EMP3: variants seen among roughly 807,000 people sequenced by gnomAD.
The protein encoded by EMP3 is epithelial membrane protein 3.
A neutral mutation model predicts 21.6 loss-of-function variants in EMP3; 15 were observed. That is an observed-to-expected ratio of 0.69 (90% CI 0.46 to 1.07). The LOEUF is 1.07. EMP3 is among the 50% of genes least tolerant of loss of function. The pLI, the probability that EMP3 is intolerant of heterozygous loss-of-function variation, is 0.00. For synonymous variants in EMP3, 107 were observed against 86.1 expected (o/e 1.24, Z -1.34); for missense variants, 183 against 206.6 (o/e 0.89, Z 0.70).
At chr19:48,330,066 A>C (rs190317772) in intron 4 of EMP3, among the ~76,000 whole-genome samples, 1 of 152,330 alleles carries the variant, frequency 6.6e-6, no homozygotes, top group African/African-American at 2.4e-5. Flanking sequence ...ATAGAAACAC[A>C]CTCAAAAATA....
chr19:48,329,301 T>G lies in EMP3; in HGVS notation c.182-51T>G. ...CACATGGTGAGCAAGCAGGTGAAGC[T>G]GGAACTCTGGACCCACGGTGATGTC... On this transcript the variant is annotated intron_variant, in intron 3 of 4. Coordinates refer to ENST00000270221, the MANE Select transcript of EMP3 (RefSeq NM_001425.3). The surrounding 1 kb of genome is among the most constrained non-coding windows in gnomAD (Gnocchi z 4.5). 6.2e-7 allele frequency: 1 copy of G among 1,609,686 alleles called. No homozygotes were observed. Among genetic ancestry groups the G allele is most frequent in the African/African-American group, 1.3e-5 (1 of 75,006 alleles).
Position 48,329,646 on chromosome 19 carries a change from CATCT to C in EMP3, c.322+155_322+158del, listed in dbSNP as rs773167256. ...CCACAAGAGGTGCCTCCGTGGGCTA[CATCT>C]CTGCCCCCAGGGATTGCTGGGACTT... is the stretch of plus-strand genomic sequence containing the variant. On this transcript the variant is annotated intron_variant, in intron 4 of 4. Transcript: ENST00000270221. This position sits in a 1 kb window ranked among gnomAD's most constrained non-coding sequence, Gnocchi z 4.5. Among the ~76,000 whole-genome samples the C allele has an allele frequency of 1.3e-5, 2 of 152,202 alleles. No homozygotes were observed. Among genetic ancestry groups the C allele is most frequent in the Non-Finnish European group, 2.9e-5 (2 of 68,036 alleles).
chr19:48,328,169 G>T (rs73047555), intron 3 of EMP3, among the ~76,000 whole-genome samples: 2 of 151,910 alleles, frequency 1.3e-5, no homozygotes, highest in Non-Finnish European at 2.9e-5. Context: ...AGAATAGAGA[G>T]GGGAGGCCAA....
intron 4 of EMP3, 23 bp from the exon 5 acceptor site, chr19:48,330,278 C>G: frequency 6.4e-7 from 1 of 1,563,580 alleles, no homozygotes; most frequent in South Asian, 1.2e-5. Context: ...CACTGCATGA[C>G]GTGTGGTTTT....
rs370758994 is a variant in EMP3 at position 48,327,502 on chromosome 19, C to T, written c.79-19C>T. 1.1e-4 allele frequency: 176 copies of T among 1,591,216 alleles called. No homozygotes were observed. Among genetic ancestry groups the T allele is most frequent in the Non-Finnish European group, 1.4e-4 (157 of 1,162,518 alleles). On this transcript the variant is annotated intron_variant, in intron 2 of 4. Transcript: ENST00000270221. ...CCTTTCCTAACCCTGCCCCTTGTTT[C>T]GTTCTCTGTCCATCCCAGTCCTGGT...
chr19:48,327,385 A>G, intron 2 of EMP3, 136 bp from the exon 3 acceptor site: 1 of 660,010 alleles, frequency 1.5e-6, no homozygotes, highest in South Asian at 1.8e-5. Flanking sequence ...CCCCTCTCAT[A>G]TTAAATCCTA....
At position 48,330,502 on chromosome 19, in the gene EMP3, T is replaced by C. The variant is rs753377301; in HGVS notation, c.*32T>C. ...CGCCTCGCTCGGCTGCCCCCGCCCC[T>C]TCCCGGCCCCCCTCGCCGCGCGTCC... On this transcript the variant is annotated 3_prime_UTR_variant, in exon 5 of 5. Coordinates refer to ENST00000270221, the MANE Select transcript of EMP3 (RefSeq NM_001425.3). 6.6e-7 allele frequency: 1 copy of C among 1,523,886 alleles called. No individual in the cohort carries two copies. The allele number at this position is 1,523,886 out of a possible 1,614,324, so 94.4% of individuals were successfully genotyped here.
chr19:48,327,824 T>A (rs1284798258), intron 3 of EMP3: 3 of 553,582 alleles, frequency 5.4e-6, no homozygotes, highest in South Asian at 4.4e-5. Context: ...TTTTGTTTTT[T>A]GAGACCGAGT....
At position 48,329,495 on chromosome 19, in the gene EMP3, G is replaced by A. The variant is rs1569018400; in HGVS notation, c.322+3G>A. ...CGGCCTCTGCCAGCTTTGCACCAGT[G>A]AGCACTGCCCCTCCCCAACCCTAAT... is the stretch of plus-strand genomic sequence containing the variant. On this transcript the variant is annotated splice_donor_region_variant and intron_variant, in intron 4 of 4. Coordinates refer to ENST00000270221, the MANE Select transcript of EMP3 (RefSeq NM_001425.3). The surrounding 1 kb of genome is among the most constrained non-coding windows in gnomAD (Gnocchi z 4.5). 4 of 1,614,054 alleles carry A rather than the reference G, an allele frequency of 2.5e-6. No homozygotes were observed. Among genetic ancestry groups the A allele is most frequent in the Admixed American group, 1.7e-5 (1 of 60,004 alleles).
Position 48,330,182 on chromosome 19 carries a change from A to G in EMP3, c.323-119A>G, listed in dbSNP as rs573531136. ...GCTGGGCGGGGGGGAAAGAACCACA[A>G]CTCCCAGCAGGCAGCGGCGCTGCCC... is the stretch of plus-strand genomic sequence containing the variant. On this transcript the variant is annotated intron_variant, in intron 4 of 4. Transcript: ENST00000270221. 37 of 1,405,742 alleles carry G rather than the reference A, an allele frequency of 2.6e-5. No individual in the cohort carries two copies. The South Asian group carries it at 5.3e-4, about 20-fold the overall frequency. 87.1% of individuals were successfully genotyped at this position (1,405,742 alleles called of 1,614,324 possible).
chr19:48,327,746 G>A, intron 3 of EMP3, 123 bp downstream of exon 3: 1 of 801,844 alleles, frequency 1.2e-6, no homozygotes, highest in Non-Finnish European at 2.1e-6. Context: ...CCAGGCCTGA[G>A]TGGCTGAGTG....
rs1472935018 is a variant in EMP3, at chr19:48,330,479, C to T, written c.*9C>T. 4 of 1,574,532 alleles carry T rather than the reference C, an allele frequency of 2.5e-6. No individual in the cohort carries two copies. The Admixed American group carries it at 7.7e-5, about 30-fold the overall frequency. Reference sequence around the variant, plus strand: ...TACGGAAGCGGGAGTGAGCGCCCCGCCTCGCTCGGCTGCCCCCGCCCCTTC... The same window carrying T: ...TACGGAAGCGGGAGTGAGCGCCCCGTCTCGCTCGGCTGCCCCCGCCCCTTC... On this transcript the variant is annotated 3_prime_UTR_variant, in exon 5 of 5. Transcript: ENST00000270221.
At chr19:48,328,894 G>A (rs1224652350) in intron 3 of EMP3, among the ~76,000 whole-genome samples, 1 of 152,160 alleles carries the variant, frequency 6.6e-6, no homozygotes. Context: ...GGCTGAGGAG[G>A]AAGGATCACT....
rs891521119 is a variant in EMP3 at position 48,329,620 on chromosome 19, G to A, written c.322+128G>A. 7.8e-5 allele frequency: 96 copies of A among 1,238,094 alleles called. No homozygotes were observed. The African/African-American group carries it at 9.8e-4, about 13-fold the overall frequency. The allele number at this position is 1,238,094 out of a possible 1,614,324, so 76.7% of individuals were successfully genotyped here. On this transcript the variant is annotated intron_variant, in intron 4 of 4. Transcript: ENST00000270221. The surrounding 1 kb of genome is among the most constrained non-coding windows in gnomAD (Gnocchi z 4.5). ...AAAAACAACTTTCAACACCCCACGAGCCACAAGAGGTGCCTCCGTGGGCTA... is the reference window on the plus strand; with the variant it reads ...AAAAACAACTTTCAACACCCCACGAACCACAAGAGGTGCCTCCGTGGGCTA...
chr19:48,329,488 C>T lies in EMP3; in HGVS notation c.318C>T (p.Cys106=), dbSNP rs544578670. The T allele has an allele frequency of 2.5e-6, 4 of 1,614,076 alleles. No individual in the cohort carries two copies. The South Asian group carries it at 3.3e-5, about 13-fold the overall frequency. The change falls in exon 4 of 5, where the codon TGC becomes TGT. Residue 106 remains cysteine, a synonymous_variant. Transcript: ENST00000270221. This position sits in a 1 kb window ranked among gnomAD's most constrained non-coding sequence, Gnocchi z 4.5. ...ATGCCACCGGCCTCTGCCAGCTTTG[C>T]ACCAGTGAGCACTGCCCCTCCCCAA... The part of the protein sequence containing the change: ...LFYATGLCQL[C]TSVAVFTGAL...
rs767157000 is a variant in EMP3, at chr19:48,327,493, C to T, written c.79-28C>T. 1.2e-5 allele frequency: 19 copies of T among 1,564,076 alleles called. No individual in the cohort carries two copies. In the South Asian group the frequency reaches 2.2e-4, roughly 18 times the overall value. ...ATCCCCTCTCCTTTCCTAACCCTGC[C>T]CCTTGTTTCGTTCTCTGTCCATCCC... On this transcript the variant is annotated intron_variant, in intron 2 of 4. Coordinates refer to ENST00000270221, the MANE Select transcript of EMP3 (RefSeq NM_001425.3).
chr19:48,327,740 G>T, intron 3 of EMP3, 117 bp downstream of exon 3: 1 of 884,296 alleles, frequency 1.1e-6, no homozygotes. Flanking sequence ...CGGGGTCCAG[G>T]CCTGAGTGGC....
At chr19:48,326,759 G>C (rs1969129201) in intron 1 of EMP3, 71 bp from the exon 2 acceptor site, 2 of 1,310,632 alleles carry the variant, frequency 1.5e-6, no homozygotes, top group African/African-American at 1.5e-5. Flanking sequence ...CAAAGTGCTG[G>C]GGTTATAGGC....
In EMP3 at chr19:48,326,246, G is replaced by A. The variant is rs530131212; in HGVS notation, c.-15-584G>A. ...TCCTGATGTCGGGGTGCAGGGTGGG[G>A]TCTCAACTTGAATTTTCACTATCTG... On this transcript the variant is annotated intron_variant, in intron 1 of 4. Transcript: ENST00000270221. Among the ~76,000 whole-genome samples the A allele has an allele frequency of 7.9e-5, 12 of 152,198 alleles. No homozygotes were observed. In the East Asian group the frequency reaches 1.7e-3, roughly 22 times the overall value.
Sources: gnomAD v4.1 joint callset for allele counts (sites outside exome capture counted in the v4.1 genomes callset) on GRCh38, gnomAD v4.1.1 for gene constraint, Gnocchi (gnomAD v3.1) non-coding constraint, MANE v1.5 for transcripts, NCBI Gene and HGNC (gene_info 2026-07-23, HGNC 2026-07-21) for gene names.